SGCD: variants seen among roughly 807,000 people sequenced by gnomAD.
The protein encoded by SGCD is delta-sarcoglycan.
In SGCD, 18 loss-of-function variants were observed where a neutral mutation model predicts 36.6. The observed-to-expected ratio is 0.49, with a 90% CI of 0.34 to 0.73. The LOEUF (loss-of-function observed/expected upper bound fraction) is 0.73. Ranked by LOEUF, SGCD falls within the 30% of genes least tolerant of loss-of-function variation. The pLI, the probability that SGCD is intolerant of heterozygous loss-of-function variation, is 0.01. For missense variants in SGCD, 387 were observed against 346.7 expected (o/e 1.12, Z -0.92); for synonymous variants, 133 against 130.6 (o/e 1.02, Z -0.12).
At chr5:156,020,487 A>C (rs1214298487) in intron 1 of SGCD, among the ~76,000 whole-genome samples, 1 of 148,360 alleles carries the variant, frequency 6.7e-6, no homozygotes, top group Admixed American at 6.7e-5. Flanking sequence ...TCATCAACTA[A>C]ATATTTTAGT....
rs527969005 is a variant in SGCD at position 156,058,627 on chromosome 5, A to G, written c.-281-59251A>G. ...TGATTCAAACAAGTAACCTAAAAAAATACTTAGGAGACAGTTGGAAATATG... is the reference window on the plus strand; with the variant it reads ...TGATTCAAACAAGTAACCTAAAAAAGTACTTAGGAGACAGTTGGAAATATG... On this transcript the variant is annotated intron_variant, in intron 1 of 9. Coordinates refer to the SGCD transcript ENST00000517913. Among the ~76,000 whole-genome samples, 5 of 146,696 alleles carry G rather than the reference A, an allele frequency of 3.4e-5. 1 individual carries two copies. The South Asian group carries it at 1.1e-3, about 31-fold the overall frequency.
intron 7 of SGCD, among the ~76,000 whole-genome samples, chr5:156,656,214 ATAAAG>A (rs1408061585): frequency 2.0e-5 from 3 of 152,196 alleles, no homozygotes; most frequent in Non-Finnish European, 4.4e-5. Context: ...AATTATTTAA[ATAAAG>A]TAATTTTTAA....
At chr5:155,807,693 A>G in the SGCD span, among the ~76,000 whole-genome samples, 1 of 152,186 alleles carries the variant, frequency 6.6e-6, no homozygotes, top group East Asian at 1.9e-4. Flanking sequence ...AAGAGTTTTC[A>G]TTGTTTTATG....
intron 3 of SGCD, among the ~76,000 whole-genome samples, chr5:156,445,418 A>G (rs144296869): frequency 4.9e-4 from 74 of 152,272 alleles, no homozygotes; most frequent in African/African-American, 1.7e-3. Context: ...TATTTATTTA[A>G]TTTGAGGATG....
At chr5:156,629,253 T>C (rs74408038) in intron 6 of SGCD, among the ~76,000 whole-genome samples, 3,090 of 152,298 alleles carry the variant, frequency 0.02, 33 homozygotes, top group Non-Finnish European at 0.029. Context: ...AAATTCTTAC[T>C]GCCCGATGAC....
rs145545021 is a variant in SGCD, at chr5:156,346,704, G to A, written c.192+2027G>A. Among the ~76,000 whole-genome samples, 500 of 152,258 alleles carry A rather than the reference G, an allele frequency of 3.3e-3. 1 individual carries two copies. Among genetic ancestry groups the A allele is most frequent in the Non-Finnish European group, 5.7e-3 (388 of 68,010 alleles). On this transcript the variant is annotated intron_variant, in intron 3 of 8. Coordinates refer to ENST00000337851, the MANE Select transcript of SGCD (RefSeq NM_000337.6). ...GGGGTTGTAGGCATCCAAGGTAATA[G>A]TTCTAGAGTATTAGAGCACATTAGC... is the stretch of plus-strand genomic sequence containing the variant.
chr5:156,285,324 T>C (rs1340659405), intron 3 of SGCD, among the ~76,000 whole-genome samples: 1 of 152,138 alleles, frequency 6.6e-6, no homozygotes, highest in Non-Finnish European at 1.5e-5. Context: ...AAAAAACTAC[T>C]TTAAAGTTCA....
chr5:156,477,610 A>G (rs984863010), intron 3 of SGCD, among the ~76,000 whole-genome samples: 10 of 150,834 alleles, frequency 6.6e-5, no homozygotes, highest in Non-Finnish European at 1.0e-4. Context: ...GGCATCTCTC[A>G]TGAGCTGTTG....
intron 1 of SGCD, among the ~76,000 whole-genome samples, chr5:155,928,417 C>T (rs1757033952): frequency 6.6e-6 from 1 of 151,908 alleles, no homozygotes; most frequent in African/African-American, 2.4e-5. Flanking sequence ...CCTATAATCC[C>T]AACACTTTGG....
At chr5:156,302,179 A>G (rs1767070988) in intron 3 of SGCD, among the ~76,000 whole-genome samples, 1 of 152,000 alleles carries the variant, frequency 6.6e-6, no homozygotes. Context: ...TGTATCTTGT[A>G]GGTATGCTTC....
chr5:156,415,580 G>C (rs1259420791), intron 3 of SGCD, among the ~76,000 whole-genome samples: 2 of 152,158 alleles, frequency 1.3e-5, no homozygotes, highest in Admixed American at 6.5e-5. Flanking sequence ...GACACGAAAT[G>C]AGTGGCCATA....
At chr5:156,586,428 G>A (rs1327695270) in intron 4 of SGCD, among the ~76,000 whole-genome samples, 1 of 152,174 alleles carries the variant, frequency 6.6e-6, no homozygotes, top group Non-Finnish European at 1.5e-5. Context: ...TATCTCAAAT[G>A]TAAAATTACT....
the SGCD span, among the ~76,000 whole-genome samples, chr5:155,785,677 T>C: frequency 6.6e-6 from 1 of 152,190 alleles, no homozygotes; most frequent in African/African-American, 2.4e-5. Context: ...CAAACCAATA[T>C]ATTTTATTAC....
Position 156,366,387 on chromosome 5 carries a change from G to C in SGCD, c.192+21710G>C, listed in dbSNP as rs762911403. Among the ~76,000 whole-genome samples the C allele has an allele frequency of 7.4e-4, 113 of 152,328 alleles. 1 individual carries two copies. The highest frequency in any genetic ancestry group is 1.1e-3 in the Non-Finnish European group (74 of 68,024). The stretch of plus-strand genomic sequence containing the variant: ...GCAAGAGTGGAAATTTGGAAGGACA[G>C]ATCAGGCATAGATAGAAAGATTTTA... On this transcript the variant is annotated intron_variant, in intron 3 of 8. Transcript: ENST00000337851.
intron 3 of SGCD, among the ~76,000 whole-genome samples, chr5:156,387,539 G>A (rs1361021711): frequency 1.3e-5 from 2 of 152,180 alleles, no homozygotes; most frequent in Non-Finnish European, 2.9e-5. Flanking sequence ...CCTATAAGCT[G>A]AGTCAAGGGA....
chr5:156,085,500 C>A (rs1761070381), intron 1 of SGCD, among the ~76,000 whole-genome samples: 1 of 152,080 alleles, frequency 6.6e-6, no homozygotes, highest in African/African-American at 2.4e-5. Context: ...CTGAGGCCAC[C>A]CCAGAAGCTG....
chr5:156,641,204 A>G (rs1302338189), intron 6 of SGCD, among the ~76,000 whole-genome samples: 2 of 152,180 alleles, frequency 1.3e-5, no homozygotes, highest in Non-Finnish European at 2.9e-5. Flanking sequence ...TTGTCCCATA[A>G]CTCACTCTTC....
At chr5:156,034,335 C>T (rs1462473696) in intron 1 of SGCD, among the ~76,000 whole-genome samples, 5 of 152,092 alleles carry the variant, frequency 3.3e-5, no homozygotes, top group Admixed American at 6.6e-5. Flanking sequence ...TTAATTAGTG[C>T]GAGTCTAGAT....
intron 3 of SGCD, among the ~76,000 whole-genome samples, chr5:156,472,435 C>T (rs764535426): frequency 5.3e-5 from 8 of 151,438 alleles, no homozygotes; most frequent in South Asian, 4.2e-4. Context: ...TTTTTCTTTT[C>T]GAGGCCGAGT....
Sources: gnomAD v4.1 joint callset for allele counts (sites outside exome capture counted in the v4.1 genomes callset) on GRCh38, gnomAD v4.1.1 for gene constraint, MANE v1.5 for transcripts, NCBI Gene and HGNC (gene_info 2026-07-23, HGNC 2026-07-21) for gene names.